Variants in NTRK2 observed in about 807,000 individuals in gnomAD.
NTRK2 encodes the protein BDNF/NT-3 growth factors receptor.
In NTRK2, 13 loss-of-function variants were observed where a neutral mutation model predicts 94.5. That is an observed-to-expected ratio of 0.14 (90% CI 0.09 to 0.22). The LOEUF (loss-of-function observed/expected upper bound fraction) is 0.22. Among genes scored for constraint, NTRK2 ranks in the 10% least tolerant of loss-of-function variants. The pLI is 1.00. For synonymous variants in NTRK2, 372 were observed against 407.4 expected (o/e 0.91, Z 1.05); for missense variants, 639 against 1,071.2 (o/e 0.60, Z 5.63).
At chr9:84,872,026 G>A in intron 14 of NTRK2, 1 of 1,461,314 alleles carries the variant, frequency 6.8e-7, no homozygotes, top group Non-Finnish European at 9.0e-7. Flanking sequence ...ACCCCTCAAA[G>A]TACTATGCCA....
At chr9:84,964,018 A>G (rs763208337) in intron 17 of NTRK2, among the ~76,000 whole-genome samples, 19 of 152,170 alleles carry the variant, frequency 1.2e-4, no homozygotes, top group Non-Finnish European at 1.0e-4. Context: ...AAATATTTCA[A>G]TGTATTTGTA....
intron 12 of NTRK2, among the ~76,000 whole-genome samples, chr9:84,853,413 G>A (rs1284868431): frequency 6.6e-6 from 1 of 152,102 alleles, no homozygotes; most frequent in Non-Finnish European, 1.5e-5. Flanking sequence ...CTGGAGTGCT[G>A]GATTCTAAGA....
At chr9:84,975,324 C>T (rs71506678) in intron 17 of NTRK2, among the ~76,000 whole-genome samples, 1 of 152,086 alleles carries the variant, frequency 6.6e-6, no homozygotes, top group Non-Finnish European at 1.5e-5. Flanking sequence ...TTCCTGACCC[C>T]TAGAACAATG....
At chr9:84,779,966 C>A (rs1032037168) in intron 12 of NTRK2, among the ~76,000 whole-genome samples, 3 of 152,134 alleles carry the variant, frequency 2.0e-5, no homozygotes, top group African/African-American at 7.2e-5. Context: ...ACAACCCACA[C>A]CACTAGTGGG....
intron 2 of NTRK2, among the ~76,000 whole-genome samples, chr9:84,696,130 C>G (rs1407047166): frequency 1.3e-5 from 2 of 152,202 alleles, no homozygotes; most frequent in African/African-American, 4.8e-5. Context: ...CCACCTCAGT[C>G]TCCCAAGCAG....
At chr9:84,798,731 C>T (rs552999530) in intron 12 of NTRK2, among the ~76,000 whole-genome samples, 20 of 152,064 alleles carry the variant, frequency 1.3e-4, no homozygotes, top group East Asian at 7.7e-4. Flanking sequence ...TTGTCTTTTC[C>T]GTTTGGTGCG....
chr9:84,948,673 G>A (rs1385153347), intron 16 of NTRK2, 39 bp downstream of exon 16: 1 of 1,599,760 alleles, frequency 6.3e-7, no homozygotes, highest in Non-Finnish European at 8.6e-7. Context: ...GGAGGGAGCA[G>A]GCCTTCAGGG....
rs1319888403 is a variant in NTRK2 at position 84,724,340 on chromosome 9, C to G, written c.837C>G (p.Val279=). ...ENLVGEDQDS[V]NLTVHFAPTI... is the part of the protein sequence containing the mutation. ...TTGTAGGAGAAGATCAAGATTCTGT[C>G]AACCTCACTGTGCATTGTACGTAAT... is the stretch of plus-strand genomic sequence containing the variant. The change falls in exon 8 of 19, where the codon GTC becomes GTG. Residue 279 remains valine, a synonymous_variant. Transcript: ENST00000277120. 1 of 1,614,024 alleles carries G rather than the reference C, an allele frequency of 6.2e-7. No homozygotes were observed. Among genetic ancestry groups the G allele is most frequent in the African/African-American group, 1.3e-5 (1 of 74,906 alleles).
chr9:84,945,456 C>T (rs2078567641), intron 15 of NTRK2, among the ~76,000 whole-genome samples: 1 of 152,134 alleles, frequency 6.6e-6, no homozygotes, highest in East Asian at 1.9e-4. Flanking sequence ...TCCATGGGCC[C>T]AGGAGAAGGA....
In NTRK2 at chr9:84,875,940, A is replaced by G. The variant is rs1277212749; in HGVS notation, c.1633+8509A>G. On this transcript the variant is annotated intron_variant, in intron 14 of 18. Transcript: ENST00000277120. ...CAAATGAATAAGTTCCTGTGATGTA[A>G]GAGATTAGATATGTGTGATTTCAGA... 8 of 1,031,628 alleles carry G rather than the reference A, an allele frequency of 7.8e-6. No homozygotes were observed. In the Admixed American group the frequency reaches 2.8e-4, roughly 36 times the overall value. The allele number at this position is 1,031,628 out of a possible 1,614,324, so 63.9% of individuals were successfully genotyped here.
chr9:84,675,322 TC>T (rs1420483327), intron 2 of NTRK2, among the ~76,000 whole-genome samples: 58 of 128,088 alleles, frequency 4.5e-4, no homozygotes, highest in African/African-American at 1.6e-3. Flanking sequence ...TTTCTTTCTT[TC>T]CTTTTTTTTT....
At chr9:84,950,919 A>G (rs779293712) in intron 16 of NTRK2, among the ~76,000 whole-genome samples, 59 of 152,162 alleles carry the variant, frequency 3.9e-4, no homozygotes, top group Non-Finnish European at 5.9e-4. Flanking sequence ...AACACCTAGG[A>G]GTCTCTGTCT....
At chr9:84,813,390 T>G in intron 12 of NTRK2, 1 of 1,060,322 alleles carries the variant, frequency 9.4e-7, no homozygotes, top group South Asian at 4.6e-5. Context: ...TTTTAAAACA[T>G]TTTGTAAGCC....
At chr9:84,995,465 A>G (rs1829642438) in intron 17 of NTRK2, among the ~76,000 whole-genome samples, 1 of 152,138 alleles carries the variant, frequency 6.6e-6, no homozygotes, top group South Asian at 2.1e-4. Context: ...CAGTTGCCCA[A>G]ATGAATAACA....
intron 14 of NTRK2, among the ~76,000 whole-genome samples, chr9:84,926,934 A>G (rs1291104115): frequency 1.3e-5 from 2 of 152,142 alleles, no homozygotes; most frequent in African/African-American, 2.4e-5. Context: ...TCATGTGTTC[A>G]TTTCTTATTG....
intron 17 of NTRK2, among the ~76,000 whole-genome samples, chr9:84,980,951 C>T (rs4075562): frequency 0.5 from 76,218 of 152,088 alleles, 19,572 homozygotes; most frequent in Middle Eastern, 0.6. Flanking sequence ...AGGCAATGAC[C>T]TCATGGCAGG....
At chr9:84,824,001 G>T (rs923716596) in intron 12 of NTRK2, among the ~76,000 whole-genome samples, 1 of 152,160 alleles carries the variant, frequency 6.6e-6, no homozygotes, top group Non-Finnish European at 1.5e-5. Flanking sequence ...GCAGGACAGT[G>T]GGGGAGGAGC....
chr9:84,888,851 G>A (rs28556729), intron 14 of NTRK2, among the ~76,000 whole-genome samples: 7,300 of 151,686 alleles, frequency 0.048, 408 homozygotes, highest in East Asian at 0.19. Context: ...TAGCAAAAGC[G>A]TTGAGTCCAT....
At chr9:84,837,597 A>C (rs1351880542) in intron 12 of NTRK2, among the ~76,000 whole-genome samples, 1 of 152,236 alleles carries the variant, frequency 6.6e-6, no homozygotes. Context: ...TGTCTGATTG[A>C]ATAGAGAATA....
Sources: allele counts gnomAD v4.1 joint callset (sites outside exome capture counted in the v4.1 genomes callset), GRCh38; gene constraint gnomAD v4.1.1; transcripts MANE v1.5; gene names NCBI Gene and HGNC (gene_info 2026-07-23, HGNC 2026-07-21).